PCSK5: variants seen among roughly 807,000 people sequenced by gnomAD.
PCSK5 encodes the protein proprotein convertase subtilisin/kexin type 5.
Under a neutral mutation model 233.2 loss-of-function variants are expected in PCSK5, and 129 were observed. That is an observed-to-expected ratio of 0.55 (90% confidence interval 0.48 to 0.64). The LOEUF is 0.64. PCSK5 is among the 30% of genes least tolerant of loss of function. PCSK5 has a pLI of 0.00. For missense variants in PCSK5, 2,076 were observed against 2,430.1 expected (o/e 0.85, Z 3.06); for synonymous variants, 825 against 879.2 (o/e 0.94, Z 1.09).
intron 20 of PCSK5, among the ~76,000 whole-genome samples, chr9:76,218,448 G>A (rs1332519654): frequency 6.6e-6 from 1 of 152,164 alleles, no homozygotes. Flanking sequence ...TTGGGATCCA[G>A]TCTGACCAGG....
chr9:76,241,205 G>A (rs1437615324), intron 24 of PCSK5, among the ~76,000 whole-genome samples: 1 of 152,206 alleles, frequency 6.6e-6, no homozygotes, highest in East Asian at 1.9e-4. Flanking sequence ...ACTTTGGGAG[G>A]CCAAGGTGGG....
At chr9:76,068,641 A>G (rs1830372781) in intron 6 of PCSK5, among the ~76,000 whole-genome samples, 1 of 152,204 alleles carries the variant, frequency 6.6e-6, no homozygotes, top group Admixed American at 6.5e-5. Context: ...TACTATAAGG[A>G]CCCAGCCAAA....
intron 12 of PCSK5, among the ~76,000 whole-genome samples, chr9:76,162,603 A>G (rs1453293067): frequency 2.0e-5 from 3 of 152,182 alleles, no homozygotes; most frequent in Admixed American, 2.0e-4. Flanking sequence ...GGTAAGAGCA[A>G]TAAATATTTC....
At chr9:76,110,830 C>G (rs1832181858) in intron 9 of PCSK5, among the ~76,000 whole-genome samples, 1 of 152,112 alleles carries the variant, frequency 6.6e-6, no homozygotes, top group Non-Finnish European at 1.5e-5. Flanking sequence ...TTGCTATGGC[C>G]AGGAACAGTG....
intron 14 of PCSK5, among the ~76,000 whole-genome samples, chr9:76,177,591 TTTTAA>T (rs1444594971): frequency 3.3e-5 from 5 of 152,234 alleles, no homozygotes; most frequent in African/African-American, 1.2e-4. Flanking sequence ...GCTATTTATA[TTTTAA>T]CTAGCAAACT....
intron 14 of PCSK5, among the ~76,000 whole-genome samples, chr9:76,178,854 A>C (rs1823728157): frequency 3.9e-5 from 6 of 152,224 alleles, no homozygotes; most frequent in Admixed American, 3.9e-4. Flanking sequence ...CAATCACAAA[A>C]TAGCTCCATC....
At chr9:76,248,729 C>T (rs1450842251) in intron 24 of PCSK5, among the ~76,000 whole-genome samples, 1 of 152,316 alleles carries the variant, frequency 6.6e-6, no homozygotes, top group Non-Finnish European at 1.5e-5. Flanking sequence ...ATAAACCTGA[C>T]ATTATATGTC....
chr9:75,893,838 C>T (rs1199984432), intron 1 of PCSK5, among the ~76,000 whole-genome samples: 1 of 152,182 alleles, frequency 6.6e-6, no homozygotes, highest in Non-Finnish European at 1.5e-5. Context: ...GTAAAAAGAT[C>T]AGCTATTCTA....
At chr9:75,980,488 A>C (rs538464561) in intron 2 of PCSK5, among the ~76,000 whole-genome samples, 2 of 152,190 alleles carry the variant, frequency 1.3e-5, no homozygotes, top group Admixed American at 6.5e-5. Context: ...GCAGTCATCA[A>C]ATAAGATTCA....
intron 34 of PCSK5, among the ~76,000 whole-genome samples, chr9:76,335,257 A>G (rs910203855): frequency 3.9e-5 from 6 of 152,202 alleles, no homozygotes; most frequent in African/African-American, 1.4e-4. Context: ...AATGCAGACC[A>G]TGGAATTAAG....
chr9:75,982,558 A>G (rs1415649429), intron 2 of PCSK5, among the ~76,000 whole-genome samples: 1 of 152,138 alleles, frequency 6.6e-6, no homozygotes, highest in Non-Finnish European at 1.5e-5. Flanking sequence ...CATGAGGCTA[A>G]GTGTATTGTA....
rs909336761 is a variant in PCSK5 at position 75,958,704 on chromosome 9, T to C, written c.297+26221T>C. Among the ~76,000 whole-genome samples the C allele has an allele frequency of 1.1e-4, 17 of 152,222 alleles. 1 individual carries two copies. Among genetic ancestry groups the C allele is most frequent in the Admixed American group, 1.0e-3 (16 of 15,288 alleles). ...GAACTAGTTCTGTCTCTGTCTTTCATTGACAGTGAACATTTGGGCAAACGA... is the reference window on the plus strand; with the variant it reads ...GAACTAGTTCTGTCTCTGTCTTTCACTGACAGTGAACATTTGGGCAAACGA... On this transcript the variant is annotated intron_variant, in intron 2 of 37. Transcript: ENST00000674117.
intron 3 of PCSK5, among the ~76,000 whole-genome samples, chr9:75,995,678 G>A (rs1222199271): frequency 1.3e-5 from 2 of 151,582 alleles, no homozygotes; most frequent in Non-Finnish European, 2.9e-5. Context: ...AGGTCTGTGG[G>A]CTAGATGGAG....
At chr9:76,293,513 G>A (rs563957057) in intron 25 of PCSK5, among the ~76,000 whole-genome samples, 2 of 152,082 alleles carry the variant, frequency 1.3e-5, no homozygotes, top group African/African-American at 4.8e-5. Context: ...GCAGTGGCAC[G>A]ATGTCAGCTC....
chr9:76,299,493 A>C (rs1044770369), intron 27 of PCSK5, among the ~76,000 whole-genome samples: 6 of 151,978 alleles, frequency 3.9e-5, no homozygotes, highest in Admixed American at 1.3e-4. Context: ...ACATGGTGAA[A>C]CCTCATCTCT....
chr9:75,949,848 T>C (rs1440757871), intron 2 of PCSK5, among the ~76,000 whole-genome samples: 2 of 152,112 alleles, frequency 1.3e-5, no homozygotes, highest in Non-Finnish European at 1.5e-5. Context: ...TGTGGGTGCA[T>C]AATAGGTGTC....
chr9:75,927,523 G>A (rs1311425784), intron 1 of PCSK5, among the ~76,000 whole-genome samples: 2 of 152,094 alleles, frequency 1.3e-5, no homozygotes, highest in East Asian at 1.9e-4. Flanking sequence ...AACTGTCTGT[G>A]GGGGTTGGCT....
At chr9:76,081,566 T>C (rs1323280084) in intron 7 of PCSK5, among the ~76,000 whole-genome samples, 1 of 152,168 alleles carries the variant, frequency 6.6e-6, no homozygotes, top group Non-Finnish European at 1.5e-5. Flanking sequence ...TTAACCACGG[T>C]TCTCAACTTT....
intron 24 of PCSK5, among the ~76,000 whole-genome samples, chr9:76,273,833 A>G (rs1202738490): frequency 6.8e-6 from 1 of 147,330 alleles, no homozygotes; most frequent in Non-Finnish European, 1.5e-5. Flanking sequence ...TTTTTTGTAG[A>G]GACAGGGTCT....
Sources: allele counts gnomAD v4.1 joint callset (sites outside exome capture counted in the v4.1 genomes callset), GRCh38; gene constraint gnomAD v4.1.1; transcripts MANE v1.5; gene names NCBI Gene and HGNC (gene_info 2026-07-23, HGNC 2026-07-21).